CDH17: variants seen among roughly 807,000 people sequenced by gnomAD.
The protein encoded by CDH17 is cadherin 17.
In CDH17, 67 loss-of-function variants were observed where a neutral mutation model predicts 86.3. The ratio of observed to expected loss-of-function variants is 0.78; its 90% CI spans 0.64 to 0.95. The LOEUF (loss-of-function observed/expected upper bound fraction) is 0.95. Ranked by LOEUF, CDH17 falls within the 40% of genes least tolerant of loss-of-function variation. The probability of loss-of-function intolerance (pLI) is 0.00; values close to 1 mark genes in which losing one functional copy is unlikely to be tolerated. For synonymous variants in CDH17, 367 were observed against 366.4 expected (o/e 1.00, Z -0.02); for missense variants, 993 against 1,017.6 (o/e 0.98, Z 0.33).
Position 94,148,740 on chromosome 8 carries a change from TTACC to T in CDH17, c.1927_1927+3del. ...TTTTTTGTTTTTTTTTTTTTTTTGC[TTACC>T]TACTTCTGTGGCCACCACTTGTACC... On this transcript the variant is annotated splice_donor_variant and splice_donor_region_variant and coding_sequence_variant and intron_variant, in exon 14 of 18. Transcript: ENST00000027335. LOFTEE classifies it high-confidence loss of function. 1 of 1,392,660 alleles carries T rather than the reference TTACC, an allele frequency of 7.2e-7. No homozygotes were observed. The highest frequency in any genetic ancestry group is 2.8e-5 in the East Asian group (1 of 35,468). 86.3% of individuals were successfully genotyped at this position (1,392,660 alleles called of 1,614,324 possible). A position where few individuals can be genotyped will look rare whatever the true frequency, so the allele number is the denominator to read the frequency against.
chr8:94,194,823 A>G lies in CDH17; in HGVS notation c.-20-118T>C, dbSNP rs180971374. On this transcript the variant is annotated intron_variant, in intron 1 of 17. Transcript: ENST00000027335. ...ATAAATCTAGTAAAATGGTATCCCAAAAGGCCAGCCTCTCCTCTATATGGA... is the reference window on the plus strand; with the variant it reads ...ATAAATCTAGTAAAATGGTATCCCAGAAGGCCAGCCTCTCCTCTATATGGA... 3 of 630,818 alleles carry G rather than the reference A, an allele frequency of 4.8e-6. No individual in the cohort carries two copies. In the African/African-American group the frequency reaches 5.5e-5, roughly 12 times the overall value. The allele number at this position is 630,818 out of a possible 1,614,324, so 39.1% of individuals were successfully genotyped here.
intron 7 of CDH17, among the ~76,000 whole-genome samples, chr8:94,173,152 T>G (rs1333611230): frequency 6.6e-6 from 1 of 152,142 alleles, no homozygotes; most frequent in East Asian, 1.9e-4. Context: ...AAGGTGAGGG[T>G]GAGTGAAGTT....
chr8:94,135,197 C>A (rs986005119), intron 15 of CDH17, among the ~76,000 whole-genome samples: 4 of 152,186 alleles, frequency 2.6e-5, no homozygotes, highest in Admixed American at 2.6e-4. Flanking sequence ...GAGCTGAGTT[C>A]AAGTCCTGGA....
intron 17 of CDH17, among the ~76,000 whole-genome samples, chr8:94,128,886 A>G (rs1472007133): frequency 6.6e-6 from 1 of 152,024 alleles, no homozygotes; most frequent in Non-Finnish European, 1.5e-5. Flanking sequence ...TGGGTAGACT[A>G]CTTAACCTTC....
At chr8:94,199,054 TATATATATATATATATATATATATATA>T (rs1813843195) in intron 1 of CDH17, among the ~76,000 whole-genome samples, 3 of 22,436 alleles carry the variant, frequency 1.3e-4, no homozygotes, top group Non-Finnish European at 2.1e-4. Flanking sequence ...TATATATATA[TATATATATATATATATATATATATATA>T]TATTTTTTTT....
At chr8:94,177,548 G>C (rs767263906) in intron 4 of CDH17, 39 bp downstream of exon 4, 3 of 1,609,550 alleles carry the variant, frequency 1.9e-6, no homozygotes, top group Non-Finnish European at 2.5e-6. Flanking sequence ...GGTGCTCAGA[G>C]AGGTTGGAGT....
At chr8:94,198,625 A>C (rs1029214782) in intron 1 of CDH17, among the ~76,000 whole-genome samples, 1 of 152,000 alleles carries the variant, frequency 6.6e-6, no homozygotes, top group East Asian at 1.9e-4. Context: ...TGCTGCTCCC[A>C]ACTCTTCCAG....
chr8:94,165,921 G>A lies in CDH17; in HGVS notation c.1122C>T (p.Asn374=). 1 of 1,613,852 alleles carries A rather than the reference G, an allele frequency of 6.2e-7. No homozygotes were observed. The highest frequency in any genetic ancestry group is 8.5e-7 in the Non-Finnish European group (1 of 1,179,846). Residue 374 remains asparagine (N), a synonymous_variant, in exon 10 of 18, where the codon AAC becomes AAT. Transcript: ENST00000027335. ...CCACAATCCTGTAGTTTAGAAAACT[G>A]TTGGCAGTATTTTCTTCATCCCTGT... ...AHDRDEENTA[N]SFLNYRIVEQ... is the part of the protein sequence containing the mutation.
Position 94,199,857 on chromosome 8 carries a change from GATA to G in CDH17, c.-20-5155_-20-5153del, listed in dbSNP as rs1180515781. 2.6e-5 allele frequency among the ~76,000 whole-genome samples: 4 copies of G among 152,206 alleles called. No homozygotes were observed. In the East Asian group the frequency reaches 5.8e-4, roughly 22 times the overall value. On this transcript the variant is annotated intron_variant, in intron 1 of 17. Transcript: ENST00000027335. ...CCTATCTACTCATCTATAAAGCAGG[GATA>G]ATAATAATAATACCTACCTTCGAGA...
intron 3 of CDH17, among the ~76,000 whole-genome samples, chr8:94,178,259 A>T (rs1000893703): frequency 6.6e-6 from 1 of 152,200 alleles, no homozygotes; most frequent in African/African-American, 2.4e-5. Flanking sequence ...GACCACAGCA[A>T]CAGAAAATTC....
chr8:94,135,281 T>G (rs142976625), intron 15 of CDH17, among the ~76,000 whole-genome samples: 31,967 of 152,050 alleles, frequency 0.21, 3,848 homozygotes, highest in African/African-American at 0.31. Flanking sequence ...CCATGATTAT[T>G]GTGTGGGAGT....
chr8:94,167,522 C>T (rs114720879), intron 9 of CDH17, among the ~76,000 whole-genome samples: 3,050 of 152,270 alleles, frequency 0.02, 110 homozygotes, highest in African/African-American at 0.067. Context: ...AGATGTGCCT[C>T]ATGGGCTGCA....
At chr8:94,214,845 T>A (rs550852281) in intron 1 of CDH17, among the ~76,000 whole-genome samples, 5 of 152,202 alleles carry the variant, frequency 3.3e-5, no homozygotes, top group African/African-American at 1.2e-4. Flanking sequence ...TTTTAAAAGA[T>A]ATACAAATAG....
intron 17 of CDH17, among the ~76,000 whole-genome samples, chr8:94,128,685 G>A (rs761937665): frequency 1.3e-5 from 2 of 152,170 alleles, no homozygotes. Flanking sequence ...CAAAGTTCCT[G>A]AACTTTATAT....
chr8:94,174,186 T>A lies in CDH17; in HGVS notation c.499A>T (p.Ile167Phe). The part of the protein sequence containing the change: ...ATPNGQLYYQ[I>F]VIQLPMINNV... Reference sequence around the variant, plus strand: ...TTGATCATGGGAAGCTGGATGACAATCTGGTAATAAAGCTGGCCATTGGGA... The same window carrying A: ...TTGATCATGGGAAGCTGGATGACAAACTGGTAATAAAGCTGGCCATTGGGA... Residue 167 changes from isoleucine to phenylalanine, a missense_variant, in exon 6 of 18, where the codon ATT becomes TTT. Coordinates refer to ENST00000027335, the MANE Select transcript of CDH17 (RefSeq NM_004063.4). 1.9e-6 allele frequency: 3 copies of A among 1,613,474 alleles called. No homozygotes were observed. The highest frequency in any genetic ancestry group is 2.5e-6 in the Non-Finnish European group (3 of 1,179,804).
At position 94,148,804 on chromosome 8, in the gene CDH17, C is replaced by A. The variant is rs748998965; in HGVS notation, c.1867G>T (p.Ala623Ser). The part of the protein sequence containing the change: ...DHVTGEIFSV[A>S]PLDREAGSPY... ...CTTCCGGCTTCTCTGTCCAATGGAG[C>A]CACACTAAAGATCTCACCAGTCACG... The change falls in exon 14 of 18, where the codon GCT (alanine) becomes TCT (serine). Residue 623 changes from alanine (A) to serine (S), a missense_variant. Ala to Ser is a moderately conservative substitution (Grantham distance 99, BLOSUM62 1). Coordinates refer to ENST00000027335, the MANE Select transcript of CDH17 (RefSeq NM_004063.4). 2 of 1,607,962 alleles carry A rather than the reference C, an allele frequency of 1.2e-6. No individual in the cohort carries two copies. The highest frequency in any genetic ancestry group is 3.4e-5 in the Admixed American group (2 of 59,434).
intron 13 of CDH17, among the ~76,000 whole-genome samples, chr8:94,151,657 C>T (rs572790927): frequency 6.6e-6 from 1 of 152,328 alleles, no homozygotes; most frequent in East Asian, 1.9e-4. Flanking sequence ...CATGCTGCTT[C>T]CCACTTGTCT....
At chr8:94,134,192 C>G (rs1035009156) in intron 15 of CDH17, among the ~76,000 whole-genome samples, 4 of 152,342 alleles carry the variant, frequency 2.6e-5, no homozygotes, top group East Asian at 3.9e-4. Context: ...GGAGGATTCC[C>G]TCTTTTTCTA....
intron 3 of CDH17, among the ~76,000 whole-genome samples, chr8:94,185,416 A>G (rs997712042): frequency 1.3e-5 from 2 of 152,124 alleles, no homozygotes; most frequent in African/African-American, 4.8e-5. Context: ...AAAACAAAAC[A>G]AAAAAAGAAA....
Sources: allele counts gnomAD v4.1 joint callset (sites outside exome capture counted in the v4.1 genomes callset), GRCh38; gene constraint gnomAD v4.1.1; transcripts MANE v1.5; gene names NCBI Gene and HGNC (gene_info 2026-07-23, HGNC 2026-07-21).